Variants in XKR6 observed in about 807,000 individuals in gnomAD.
XKR6 encodes XK related 6, also known as XK-related protein 6.
A neutral mutation model predicts 56.7 loss-of-function variants in XKR6; 22 were observed. The observed-to-expected ratio is 0.39, with a 90% confidence interval of 0.28 to 0.55. The LOEUF (loss-of-function observed/expected upper bound fraction) is 0.55, where lower values mean the gene tolerates loss of function less well. Among genes scored for constraint, XKR6 ranks in the 20% least tolerant of loss-of-function variants. XKR6 has a pLI of 0.66. For missense variants in XKR6, 852 were observed against 889.0 expected (o/e 0.96, Z 0.53); for synonymous variants, 524 against 387.8 (o/e 1.35, Z -4.13).
At chr8:10,951,226 T>G (rs1419713524) in intron 1 of XKR6, among the ~76,000 whole-genome samples, 1 of 143,816 alleles carries the variant, frequency 7.0e-6, no homozygotes, top group Non-Finnish European at 1.5e-5. Context: ...CAAATAGTGA[T>G]GGAAACTCAT....
intron 1 of XKR6, among the ~76,000 whole-genome samples, chr8:10,950,476 C>T (rs1469179529): frequency 6.6e-6 from 1 of 152,124 alleles, no homozygotes; most frequent in African/African-American, 2.4e-5. Context: ...CCCGAGATGG[C>T]AAGAACCACA....
intron 1 of XKR6, among the ~76,000 whole-genome samples, chr8:11,020,611 C>T (rs1005445236): frequency 6.6e-6 from 1 of 152,138 alleles, no homozygotes; most frequent in Non-Finnish European, 1.5e-5. Context: ...AAGGGAACAC[C>T]CCAGCCCCTA....
intron 1 of XKR6, among the ~76,000 whole-genome samples, chr8:11,008,734 T>C (rs1385697956): frequency 6.6e-6 from 1 of 151,868 alleles, no homozygotes; most frequent in East Asian, 1.9e-4. Flanking sequence ...TTCCAAAGGG[T>C]TCACCGGTGG....
At chr8:11,139,026 T>A (rs1035968302) in intron 1 of XKR6, among the ~76,000 whole-genome samples, 2 of 152,162 alleles carry the variant, frequency 1.3e-5, no homozygotes, top group African/African-American at 4.8e-5. Flanking sequence ...TTCAGTAACT[T>A]GTTAATGATT....
At chr8:11,121,946 T>A (rs1444504623) in intron 1 of XKR6, among the ~76,000 whole-genome samples, 1 of 152,194 alleles carries the variant, frequency 6.6e-6, no homozygotes, top group Non-Finnish European at 1.5e-5. Context: ...CAAAAAACCA[T>A]ATACCACATG....
At chr8:10,901,981 C>T (rs1800047061) in intron 2 of XKR6, among the ~76,000 whole-genome samples, 1 of 152,242 alleles carries the variant, frequency 6.6e-6, no homozygotes, top group Non-Finnish European at 1.5e-5. Context: ...CTCCATTCTT[C>T]TGCCTTCAGA....
At chr8:11,049,236 C>A (rs1351437555) in intron 1 of XKR6, among the ~76,000 whole-genome samples, 1 of 152,238 alleles carries the variant, frequency 6.6e-6, no homozygotes, top group Non-Finnish European at 1.5e-5. Context: ...CACCCACTGG[C>A]TTAATGAAAC....
intron 1 of XKR6, among the ~76,000 whole-genome samples, chr8:10,949,103 G>A (rs1297176757): frequency 6.6e-6 from 1 of 152,236 alleles, no homozygotes; most frequent in African/African-American, 2.4e-5. Flanking sequence ...AACACCCTGG[G>A]AGTCCGGGGT....
intron 1 of XKR6, among the ~76,000 whole-genome samples, chr8:10,987,106 A>T (rs1797880722): frequency 6.6e-6 from 1 of 152,194 alleles, no homozygotes; most frequent in African/African-American, 2.4e-5. Flanking sequence ...CAAGTGCATG[A>T]TATGTAGTAA....
chr8:11,081,763 G>T (rs11991118), intron 1 of XKR6, among the ~76,000 whole-genome samples: 81,989 of 152,132 alleles, frequency 0.54, 24,919 homozygotes, highest in African/African-American at 0.8. Context: ...AGCTTTAATG[G>T]GCACTAGTCA....
Position 10,901,708 on chromosome 8 carries a change from C to T in XKR6, c.962-2792G>A, listed in dbSNP as rs572336247. ...CCTTCTAATAAAGCAAACTCTATTA[C>T]CTTCTACTCAGAAAAGCGTGAGTGC... On this transcript the variant is annotated intron_variant, in intron 2 of 2. Coordinates refer to ENST00000416569, the MANE Select transcript of XKR6 (RefSeq NM_173683.4). 5.3e-5 allele frequency among the ~76,000 whole-genome samples: 8 copies of T among 152,256 alleles called. No homozygotes were observed. The South Asian group carries it at 1.5e-3, about 28-fold the overall frequency.
chr8:11,161,005 T>C (rs1322515980), intron 1 of XKR6, among the ~76,000 whole-genome samples: 1 of 151,708 alleles, frequency 6.6e-6, no homozygotes, highest in Non-Finnish European at 1.5e-5. Context: ...CCTGTACTGG[T>C]TGTGAATATG....
chr8:10,981,000 A>G (rs1279912329), intron 1 of XKR6, among the ~76,000 whole-genome samples: 2 of 152,184 alleles, frequency 1.3e-5, no homozygotes, highest in East Asian at 3.8e-4. Flanking sequence ...GAAGAGCCCA[A>G]CATTGTTCTT....
At chr8:11,103,902 A>G (rs1349584525) in intron 1 of XKR6, among the ~76,000 whole-genome samples, 1 of 152,250 alleles carries the variant, frequency 6.6e-6, no homozygotes, top group Non-Finnish European at 1.5e-5. Context: ...TTTAATGGCA[A>G]AGTAATGCCT....
At chr8:11,075,797 T>A in intron 1 of XKR6, among the ~76,000 whole-genome samples, 1 of 152,034 alleles carries the variant, frequency 6.6e-6, no homozygotes, top group East Asian at 1.9e-4. Context: ...CACTTGAACC[T>A]GGGGGGCAGA....
At chr8:11,182,384 G>T (rs1803036082) in intron 1 of XKR6, among the ~76,000 whole-genome samples, 1 of 152,180 alleles carries the variant, frequency 6.6e-6, no homozygotes, top group African/African-American at 2.4e-5. Context: ...GCATCACTGT[G>T]GCGCATTAAC....
intron 1 of XKR6, among the ~76,000 whole-genome samples, chr8:11,154,709 G>T (rs1451165222): frequency 6.6e-6 from 1 of 152,196 alleles, no homozygotes; most frequent in Admixed American, 6.5e-5. Context: ...TGAAAATTAA[G>T]TAAGAGTTTC....
intron 1 of XKR6, among the ~76,000 whole-genome samples, chr8:11,132,652 G>A (rs568542776): frequency 5.3e-5 from 8 of 151,860 alleles, no homozygotes; most frequent in Non-Finnish European, 1.0e-4. Context: ...ACGAGCCACC[G>A]CGTCTGGTCA....
chr8:11,187,942 C>A (rs750995423), intron 1 of XKR6, among the ~76,000 whole-genome samples: 1 of 152,206 alleles, frequency 6.6e-6, no homozygotes, highest in Non-Finnish European at 1.5e-5. Context: ...TTAAGCCTCC[C>A]TGTATTTTTA....
Sources: allele counts gnomAD v4.1 joint callset (sites outside exome capture counted in the v4.1 genomes callset), GRCh38; gene constraint gnomAD v4.1.1; transcripts MANE v1.5; gene names NCBI Gene and HGNC (gene_info 2026-07-23, HGNC 2026-07-21).